The following TSHZ2 variants were observed in gnomAD, a reference collection of about 807,000 sequenced individuals.
TSHZ2 encodes the protein teashirt zinc finger homeobox 2.
In TSHZ2, 21 loss-of-function variants were observed where a neutral mutation model predicts 74.4. The observed-to-expected ratio is 0.28, with a 90% CI of 0.20 to 0.41. The LOEUF (loss-of-function observed/expected upper bound fraction) is 0.41, where lower values mean the gene tolerates loss of function less well. Among genes scored for constraint, TSHZ2 ranks in the 10% least tolerant of loss-of-function variants. The pLI, the probability that TSHZ2 is intolerant of heterozygous loss-of-function variation, is 1.00. For missense variants in TSHZ2, 1,244 were observed against 1,293.5 expected (o/e 0.96, Z 0.59); for synonymous variants, 540 against 515.3 (o/e 1.05, Z -0.65).
At position 53,325,700 on chromosome 20, in the gene TSHZ2, CTG is replaced by C. The variant is rs562437440; in HGVS notation, c.*8+69134_*8+69135del. ...TGTTTGTTTGTTTGTTTGTTTTTAA[CTG>C]TGTGAAGTTTTTGTACCAATGGAAA... On this transcript the variant is annotated intron_variant, in intron 2 of 2. Transcript: ENST00000371497. 3.4e-4 allele frequency among the ~76,000 whole-genome samples: 46 copies of C among 136,630 alleles called. No homozygotes were observed. The South Asian group carries it at 8.1e-3, about 24-fold the overall frequency. 89.6% of individuals were successfully genotyped at this position (136,630 alleles called of 152,430 possible).
At chr20:53,302,268 T>C (rs957327454) in intron 2 of TSHZ2, among the ~76,000 whole-genome samples, 4 of 152,094 alleles carry the variant, frequency 2.6e-5, no homozygotes, top group Non-Finnish European at 4.4e-5. Flanking sequence ...TTTTGCCCGA[T>C]GTTAGCAAAG....
chr20:53,154,614 C>T (rs963473558), intron 1 of TSHZ2, among the ~76,000 whole-genome samples: 3 of 152,138 alleles, frequency 2.0e-5, no homozygotes, highest in Admixed American at 1.3e-4. Flanking sequence ...TACTCCAGCC[C>T]TCATTGACCA....
At position 53,256,076 on chromosome 20, in the gene TSHZ2, T is replaced by C; in HGVS notation, c.2618T>C (p.Leu873Pro). 6.2e-7 allele frequency: 1 copy of C among 1,614,116 alleles called. No homozygotes were observed. Among genetic ancestry groups the C allele is most frequent in the Non-Finnish European group, 8.5e-7 (1 of 1,179,986 alleles). Residue 873 changes from leucine to proline, a missense_variant, in exon 2 of 3, where the codon CTG becomes CCG. Physicochemically the swap from Leu to Pro is moderately conservative, Grantham distance 98. Around this residue, in one of 6 missense-constraint regions of TSHZ2, gnomAD observed 185 missense variants for 213.3 expected, o/e 0.87. Coordinates refer to ENST00000371497, the MANE Select transcript of TSHZ2 (RefSeq NM_173485.6). This position sits in a 1 kb window ranked among gnomAD's most constrained non-coding sequence, Gnocchi z 4.3. ...SLFQTSEGKYLLSDLGPQERM... is the reference protein window; with the variant it reads ...SLFQTSEGKYPLSDLGPQERM... ...TTCCAGACATCAGAGGGCAAATACC[T>C]GCTGTCTGATCTGGGCCCACAAGAG... is the stretch of plus-strand genomic sequence containing the variant.
chr20:53,107,399 A>C (rs1986407543), intron 1 of TSHZ2, among the ~76,000 whole-genome samples: 1 of 152,190 alleles, frequency 6.6e-6, no homozygotes. Flanking sequence ...TAGTGTGAGA[A>C]TTTGTGAAAA....
At chr20:53,356,856 A>G (rs900974350) in intron 2 of TSHZ2, among the ~76,000 whole-genome samples, 2 of 152,176 alleles carry the variant, frequency 1.3e-5, no homozygotes, top group African/African-American at 2.4e-5. Context: ...CACTCTTTCC[A>G]GAAAACAGGA....
chr20:53,124,566 G>A lies in TSHZ2; in HGVS notation c.41-128933G>A, dbSNP rs546786104. Among the ~76,000 whole-genome samples the A allele has an allele frequency of 3.9e-5, 6 of 152,308 alleles. No individual in the cohort carries two copies. The South Asian group carries it at 6.2e-4, about 16-fold the overall frequency. On this transcript the variant is annotated intron_variant, in intron 1 of 2. Transcript: ENST00000371497. ...CCAGGAATTGCCAACTTGGCTTTAC[G>A]GATGATTAGACTTTTTAGAATATGG...
chr20:53,138,039 A>T (rs1987289667), intron 1 of TSHZ2, among the ~76,000 whole-genome samples: 2 of 152,234 alleles, frequency 1.3e-5, no homozygotes. Context: ...TTTGGAAAAC[A>T]CTGGCAGAGG....
At chr20:53,340,185 T>TTTTTTTTTTC (rs1980135026) in intron 2 of TSHZ2, among the ~76,000 whole-genome samples, 3 of 36,414 alleles carry the variant, frequency 8.2e-5, no homozygotes, top group Admixed American at 2.1e-4. Flanking sequence ...TTCTTTTTTC[T>TTTTTTTTTTC]TTTTTTTTTT....
Position 53,254,354 on chromosome 20 carries a change from A to G in TSHZ2, c.896A>G (p.His299Arg). ...DLSVHMIKTKHYQKVPLKEPV... is the reference protein window; with the variant it reads ...DLSVHMIKTKRYQKVPLKEPV... ...AGCGTCCACATGATTAAAACAAAAC[A>G]TTACCAAAAAGTGCCTTTGAAGGAG... Residue 299 changes from histidine to arginine, a missense_variant, in exon 2 of 3, where the codon CAT becomes CGT. Transcript: ENST00000371497. 1 of 1,614,176 alleles carries G rather than the reference A, an allele frequency of 6.2e-7. No individual in the cohort carries two copies. The highest frequency in any genetic ancestry group is 8.5e-7 in the Non-Finnish European group (1 of 1,180,038).
chr20:53,083,325 G>A (rs1355424762), intron 1 of TSHZ2, among the ~76,000 whole-genome samples: 1 of 152,148 alleles, frequency 6.6e-6, no homozygotes, highest in Non-Finnish European at 1.5e-5. Flanking sequence ...CCTTCCTTAG[G>A]GAGGTAAATA....
Position 53,120,357 on chromosome 20 carries a change from A to G in TSHZ2, c.41-133142A>G, listed in dbSNP as rs73911313. On this transcript the variant is annotated intron_variant, in intron 1 of 2. Transcript: ENST00000371497. ...TTCAAAACATAATTGAAAGATTTCA[A>G]AAGTTGAACTGGAAGCATTTTTGTC... 9.5e-3 allele frequency among the ~76,000 whole-genome samples: 1,445 copies of G among 152,350 alleles called. 19 individuals are homozygous for G. The highest frequency in any genetic ancestry group is 0.033 in the African/African-American group (1,386 of 41,588).
At chr20:53,311,977 A>T (rs550864668) in intron 2 of TSHZ2, among the ~76,000 whole-genome samples, 5 of 152,180 alleles carry the variant, frequency 3.3e-5, no homozygotes, top group Non-Finnish European at 7.4e-5. Flanking sequence ...GCTACTCATG[A>T]GGCTGAGGTG....
intron 2 of TSHZ2, among the ~76,000 whole-genome samples, chr20:53,485,838 T>TG (rs1986277818): frequency 6.6e-6 from 1 of 152,290 alleles, no homozygotes; most frequent in East Asian, 1.9e-4. Context: ...AGCTTTATAG[T>TG]GAAAAAAATC....
intron 1 of TSHZ2, among the ~76,000 whole-genome samples, chr20:53,148,990 G>T (rs1987611041): frequency 6.6e-6 from 1 of 152,140 alleles, no homozygotes; most frequent in African/African-American, 2.4e-5. Context: ...GCACTGCAAA[G>T]AAATAAACAA....
intron 1 of TSHZ2, among the ~76,000 whole-genome samples, chr20:53,100,518 C>T (rs1191091609): frequency 1.3e-5 from 2 of 152,076 alleles, no homozygotes; most frequent in Admixed American, 6.6e-5. Context: ...TTGGCAAGCT[C>T]CTGTTTTAGC....
chr20:53,368,293 TTTTG>T (rs570957059), intron 2 of TSHZ2, among the ~76,000 whole-genome samples: 10 of 151,468 alleles, frequency 6.6e-5, no homozygotes, highest in Admixed American at 4.6e-4. Context: ...GATGGTAATT[TTTTG>T]TTTGTTTGTT....
intron 1 of TSHZ2, among the ~76,000 whole-genome samples, chr20:53,139,019 C>T (rs1235805455): frequency 6.6e-6 from 1 of 152,236 alleles, no homozygotes; most frequent in Non-Finnish European, 1.5e-5. Flanking sequence ...AATACACCAT[C>T]CTCCCTGCTA....
intron 1 of TSHZ2, among the ~76,000 whole-genome samples, chr20:53,169,565 G>A (rs1988143201): frequency 6.6e-6 from 1 of 152,106 alleles, no homozygotes. Flanking sequence ...AGGCTAGCAT[G>A]GTTCCTGGCA....
At chr20:53,344,061 C>G (rs910112438) in intron 2 of TSHZ2, among the ~76,000 whole-genome samples, 9 of 152,156 alleles carry the variant, frequency 5.9e-5, no homozygotes, top group Non-Finnish European at 1.2e-4. Flanking sequence ...TTAAAATGGG[C>G]AATGGTAGCC....
Sources: gnomAD v4.1 joint callset for allele counts (sites outside exome capture counted in the v4.1 genomes callset) on GRCh38, gnomAD v4.1.1 for gene constraint, gnomAD v4.1.1 regional missense constraint, Gnocchi (gnomAD v3.1) non-coding constraint, MANE v1.5 for transcripts, NCBI Gene and HGNC (gene_info 2026-07-23, HGNC 2026-07-21) for gene names.